ARID2: variants seen among roughly 807,000 people sequenced by gnomAD.
ARID2 encodes AT-rich interaction domain 2, also known as AT-rich interactive domain-containing protein 2.
ARID2 carries 32 observed loss-of-function variants against 184.6 expected under a neutral mutation model. The ratio of observed to expected loss-of-function variants is 0.17; its 90% CI spans 0.13 to 0.23. The LOEUF (loss-of-function observed/expected upper bound fraction) is 0.23, where lower values mean the gene tolerates loss of function less well. Ranked by LOEUF, ARID2 falls within the 10% of genes least tolerant of loss-of-function variation. The pLI is 1.00. For synonymous variants in ARID2, 836 were observed against 772.6 expected, an observed-to-expected ratio of 1.08 and a Z score of -1.36; for missense variants, 1,696 against 2,197.6, an observed-to-expected ratio of 0.77 and a Z score of 4.56.
chr12:45,830,399 T>C lies in ARID2; in HGVS notation c.706-6190T>C, dbSNP rs566589919. Among the ~76,000 whole-genome samples the C allele has an allele frequency of 1.2e-4, 18 of 152,232 alleles. 1 individual carries two copies. In the South Asian group the frequency reaches 3.5e-3, roughly 30 times the overall value. ...TTACTAAAACCAAATCAATGGAGAT[T>C]GGGGAGTAGGCCAGTGGTACAAAAT... On this transcript the variant is annotated intron_variant, in intron 6 of 20. Coordinates refer to ENST00000334344, the MANE Select transcript of ARID2 (RefSeq NM_152641.4).
chr12:45,896,892 A>G (rs1206934276), intron 20 of ARID2, among the ~76,000 whole-genome samples: 1 of 152,228 alleles, frequency 6.6e-6, no homozygotes, highest in South Asian at 2.1e-4. Context: ...TAGAAAAAAT[A>G]TAGGAAAATA....
intron 16 of ARID2, among the ~76,000 whole-genome samples, chr12:45,863,194 T>C (rs948200234): frequency 3.3e-5 from 5 of 152,162 alleles, no homozygotes; most frequent in Admixed American, 1.3e-4. Flanking sequence ...GAGTAGGAAT[T>C]TTTCATGCTA....
intron 3 of ARID2, among the ~76,000 whole-genome samples, chr12:45,768,117 T>C (rs1174820354): frequency 6.6e-6 from 1 of 152,230 alleles, no homozygotes; most frequent in Non-Finnish European, 1.5e-5. Flanking sequence ...AGATAGAAAC[T>C]TCACTCCAGA....
chr12:45,825,937 T>C (rs1942990598), intron 6 of ARID2, among the ~76,000 whole-genome samples: 1 of 152,160 alleles, frequency 6.6e-6, no homozygotes, highest in Non-Finnish European at 1.5e-5. Context: ...TTTGTAGATT[T>C]TAGATGTTTA....
chr12:45,778,416 G>C (rs886484777), intron 3 of ARID2, among the ~76,000 whole-genome samples: 5 of 152,082 alleles, frequency 3.3e-5, no homozygotes, highest in African/African-American at 1.2e-4. Context: ...GTGTAAAAAA[G>C]AATATTCATA....
At chr12:45,812,319 C>A (rs1309040403) in intron 4 of ARID2, among the ~76,000 whole-genome samples, 8 of 151,912 alleles carry the variant, frequency 5.3e-5, no homozygotes, top group Admixed American at 4.6e-4. Context: ...TGTACTCTTA[C>A]AGGTTATCCT....
intron 16 of ARID2, among the ~76,000 whole-genome samples, chr12:45,877,079 G>A (rs1432372861): frequency 1.5e-5 from 2 of 137,450 alleles, no homozygotes; most frequent in African/African-American, 2.9e-5. Flanking sequence ...GTGACAGAGT[G>A]AGACTCCATC....
chr12:45,810,958 C>G (rs1440291219), intron 3 of ARID2, among the ~76,000 whole-genome samples: 1 of 151,692 alleles, frequency 6.6e-6, no homozygotes, highest in Non-Finnish European at 1.5e-5. Flanking sequence ...GCCTGTAATC[C>G]CAGCACTTTG....
intron 20 of ARID2, 108 bp from the exon 21 acceptor site, chr12:45,904,826 T>C (rs1236174706): frequency 4.6e-6 from 5 of 1,088,958 alleles, no homozygotes; most frequent in Non-Finnish European, 5.2e-6. Flanking sequence ...TTACGGGGTG[T>C]GGAGCTATGT....
At chr12:45,772,168 A>G (rs1325329985) in intron 3 of ARID2, among the ~76,000 whole-genome samples, 1 of 152,204 alleles carries the variant, frequency 6.6e-6, no homozygotes, top group African/African-American at 2.4e-5. Context: ...ATGCAAAAAG[A>G]AAGCAATAAA....
intron 16 of ARID2, among the ~76,000 whole-genome samples, chr12:45,869,071 G>A (rs2138202067): frequency 6.6e-6 from 1 of 151,930 alleles, no homozygotes; most frequent in East Asian, 1.9e-4. Flanking sequence ...CCAGGCTGGA[G>A]TACATTGGCA....
chr12:45,905,958 T>C lies in ARID2; in HGVS notation c.*880T>C, dbSNP rs1170504210. On this transcript the variant is annotated 3_prime_UTR_variant, in exon 21 of 21. Transcript: ENST00000334344. ...CTTTTTTCTTTTTTTTTTTCTTTTT[T>C]TTTTTGTATTATACACCTTGTAGAA... is the stretch of plus-strand genomic sequence containing the variant. The C allele has an allele frequency of 1.3e-5, 3 of 231,726 alleles. No individual in the cohort carries two copies. The highest frequency in any genetic ancestry group is 5.7e-5 in the Admixed American group (1 of 17,690). 14.4% of individuals were successfully genotyped at this position (231,726 alleles called of 1,614,324 possible).
intron 3 of ARID2, among the ~76,000 whole-genome samples, chr12:45,750,334 A>G (rs1369261667): frequency 6.6e-6 from 1 of 152,228 alleles, no homozygotes; most frequent in African/African-American, 2.4e-5. Context: ...GGTGCCCCCA[A>G]ACAAATAGAA....
intron 3 of ARID2, among the ~76,000 whole-genome samples, chr12:45,764,200 A>C (rs1352136504): frequency 6.6e-6 from 1 of 152,152 alleles, no homozygotes; most frequent in Non-Finnish European, 1.5e-5. Flanking sequence ...AAAAAAGGCA[A>C]ATTTTCTACC....
chr12:45,904,916 C>A lies in ARID2; in HGVS notation c.5364-18C>A. ...TGTGACCTTGGAGACTGACAATCTT[C>A]TATATGTTTTTTTGCAGATTGTTAA... On this transcript the variant is annotated intron_variant, in intron 20 of 20. Transcript: ENST00000334344. The A allele has an allele frequency of 6.2e-7, 1 of 1,611,146 alleles. No individual in the cohort carries two copies. The highest frequency in any genetic ancestry group is 1.1e-5 in the South Asian group (1 of 90,410).
intron 6 of ARID2, among the ~76,000 whole-genome samples, chr12:45,829,204 T>G (rs1300477432): frequency 4.6e-5 from 7 of 152,062 alleles, no homozygotes; most frequent in Admixed American, 3.3e-4. Context: ...CAATCATATA[T>G]GTATAGATCT....
chr12:45,739,722 G>T (rs1427712680), intron 3 of ARID2, among the ~76,000 whole-genome samples: 2 of 151,604 alleles, frequency 1.3e-5, no homozygotes, highest in Non-Finnish European at 1.5e-5. Flanking sequence ...AGTGTTTTTG[G>T]GTGAAATTTT....
intron 5 of ARID2, among the ~76,000 whole-genome samples, chr12:45,818,585 A>G (rs1592095948): frequency 6.6e-6 from 1 of 152,264 alleles, no homozygotes; most frequent in East Asian, 1.9e-4. Context: ...ATTTTTTGCC[A>G]GAAGTATATC....
At chr12:45,785,081 C>G (rs1036919934) in intron 3 of ARID2, among the ~76,000 whole-genome samples, 1 of 152,166 alleles carries the variant, frequency 6.6e-6, no homozygotes, top group Non-Finnish European at 1.5e-5. Context: ...CAGAGAATTT[C>G]CTATCAGCCT....
Sources: allele counts gnomAD v4.1 joint callset (sites outside exome capture counted in the v4.1 genomes callset), GRCh38; gene constraint gnomAD v4.1.1; transcripts MANE v1.5; gene names NCBI Gene and HGNC (gene_info 2026-07-23, HGNC 2026-07-21).